The following DARS1 variants were observed in gnomAD, a reference collection of about 807,000 sequenced individuals.
DARS1 encodes the protein aspartate--tRNA ligase, cytoplasmic.
DARS1 carries 51 observed loss-of-function variants against 68.8 expected under a neutral mutation model. The observed-to-expected ratio is 0.74, with a 90% CI of 0.59 to 0.94. The LOEUF is 0.94. DARS1 is among the 40% of genes least tolerant of loss of function. DARS1 has a pLI of 0.00. For missense variants in DARS1, 607 were observed against 597.3 expected, an observed-to-expected ratio of 1.02 and a Z score of -0.17; for synonymous variants, 203 against 190.4, an observed-to-expected ratio of 1.07 and a Z score of -0.55.
intron 3 of DARS1, chr2:135,979,027 C>T (rs899990191): frequency 1.2e-5 from 4 of 327,980 alleles, no homozygotes; most frequent in Non-Finnish European, 1.6e-5. Context: ...AACTTTAGAG[C>T]GATGCTAGAA....
intron 4 of DARS1, among the ~76,000 whole-genome samples, chr2:135,946,469 T>C (rs1681723251): frequency 6.6e-6 from 1 of 152,172 alleles, no homozygotes; most frequent in African/African-American, 2.4e-5. Flanking sequence ...AAATTCATTC[T>C]CATCCTTTTA....
intron 5 of DARS1, among the ~76,000 whole-genome samples, chr2:135,938,948 CAAG>C (rs1558786448): frequency 6.6e-6 from 1 of 152,200 alleles, no homozygotes; most frequent in Non-Finnish European, 1.5e-5. Context: ...ATCAATTCAA[CAAG>C]AAGAGCTAAC....
intron 15 of DARS1, among the ~76,000 whole-genome samples, chr2:135,908,738 T>C (rs958681326): frequency 2.0e-5 from 3 of 152,238 alleles, no homozygotes; most frequent in African/African-American, 7.2e-5. Flanking sequence ...GTTCATGTCC[T>C]TTGCCCACTT....
chr2:135,907,486 A>AAG, intron 15 of DARS1, 79 bp from the exon 16 acceptor site: 1 of 923,402 alleles, frequency 1.1e-6, no homozygotes, highest in South Asian at 1.5e-5. Context: ...ACATAAATGT[A>AAG]ATCGTTAAAC....
intron 4 of DARS1, among the ~76,000 whole-genome samples, chr2:135,959,081 T>G (rs921625539): frequency 5.3e-5 from 8 of 152,008 alleles, no homozygotes; most frequent in Admixed American, 3.3e-4. Context: ...ACCTATATTC[T>G]TCCCTTGTCT....
intron 4 of DARS1, among the ~76,000 whole-genome samples, chr2:135,947,883 T>C (rs1004488955): frequency 1.3e-5 from 2 of 152,074 alleles, no homozygotes; most frequent in South Asian, 4.1e-4. Context: ...TAGTAATAGT[T>C]TCCCAAATGT....
At chr2:135,931,216 T>A (rs1681336248) in intron 7 of DARS1, among the ~76,000 whole-genome samples, 1 of 152,110 alleles carries the variant, frequency 6.6e-6, no homozygotes, top group Non-Finnish European at 1.5e-5. Context: ...AAGAGCTAGT[T>A]GGGGACTAAA....
At chr2:135,936,984 T>C (rs1681485327) in intron 5 of DARS1, among the ~76,000 whole-genome samples, 1 of 152,212 alleles carries the variant, frequency 6.6e-6, no homozygotes, top group Non-Finnish European at 1.5e-5. Flanking sequence ...TTAAGAGAAA[T>C]TTAGTGATGT....
In DARS1 at chr2:135,943,392, A is replaced by T; in HGVS notation, c.409T>A (p.Leu137Ile). Residue 137 changes from leucine to isoleucine, a missense_variant, in exon 5 of 16, where the codon TTA becomes ATA. By Grantham distance (5) the Leu-to-Ile change is conservative (BLOSUM62 2). Coordinates refer to ENST00000264161, the MANE Select transcript of DARS1 (RefSeq NM_001349.4). Reference sequence around the variant, plus strand: ...AAAAAACTTACCTTCTGAACATGTAACTCAACGTCTTGCTGTGTACAGCTT... The same window carrying T: ...AAAAAACTTACCTTCTGAACATGTATCTCAACGTCTTGCTGTGTACAGCTT... ...IGSCTQQDVE[L>I]HVQKIYVISL... The T allele has an allele frequency of 6.2e-7, 1 of 1,612,184 alleles. No individual in the cohort carries two copies.
intron 4 of DARS1, among the ~76,000 whole-genome samples, chr2:135,944,485 G>A (rs1209459759): frequency 1.3e-5 from 2 of 151,942 alleles, no homozygotes; most frequent in Non-Finnish European, 1.5e-5. Flanking sequence ...TCAAAATGAG[G>A]ATAATAGGTG....
intron 10 of DARS1, 56 bp downstream of exon 10, chr2:135,920,397 T>A (rs12471430): frequency 1.3e-6 from 2 of 1,498,116 alleles, no homozygotes; most frequent in Non-Finnish European, 8.9e-7. Context: ...ATTTTTTTTT[T>A]AAAGGGCCCA....
intron 9 of DARS1, among the ~76,000 whole-genome samples, chr2:135,921,327 A>G (rs748923402): frequency 6.6e-6 from 1 of 151,870 alleles, no homozygotes; most frequent in Non-Finnish European, 1.5e-5. Context: ...ATCCTAACCT[A>G]TATTTCTCAC....
intron 12 of DARS1, among the ~76,000 whole-genome samples, chr2:135,914,238 T>G (rs1304564934): frequency 6.6e-6 from 1 of 152,154 alleles, no homozygotes; most frequent in Non-Finnish European, 1.5e-5. Flanking sequence ...TCAGAACAAC[T>G]TCGTAAAAAT....
rs758921456 is a variant in DARS1 at position 135,985,600 on chromosome 2, C to A, written c.-132G>T. The A allele has an allele frequency of 4.6e-6, 7 of 1,531,594 alleles. No individual in the cohort carries two copies. Among genetic ancestry groups the A allele is most frequent in the Admixed American group, 4.2e-5 (2 of 47,352 alleles). The allele number at this position is 1,531,594 out of a possible 1,614,324, so 94.9% of individuals were successfully genotyped here. A position where few individuals can be genotyped will look rare whatever the true frequency, so the allele number is the denominator to read the frequency against. ...GGTCTCAGCACACGCGCTCGGACTC[C>A]GCGTGGAGGTGCGGCTCCAGAAAGA... On this transcript the variant is annotated 5_prime_UTR_variant, in exon 1 of 16. Transcript: ENST00000264161.
chr2:135,982,430 T>C (rs114412783), intron 2 of DARS1, among the ~76,000 whole-genome samples: 13 of 151,756 alleles, frequency 8.6e-5, no homozygotes, highest in African/African-American at 3.1e-4. Context: ...ACCCCATCTC[T>C]ACTAAAATAC....
intron 4 of DARS1, among the ~76,000 whole-genome samples, chr2:135,954,576 G>C (rs1681922383): frequency 6.6e-6 from 1 of 152,134 alleles, no homozygotes; most frequent in Admixed American, 6.5e-5. Context: ...TTTTGGGTCT[G>C]GTACAGGGAC....
At chr2:135,925,739 T>A (rs920356244) in intron 7 of DARS1, among the ~76,000 whole-genome samples, 9 of 152,186 alleles carry the variant, frequency 5.9e-5, no homozygotes, top group African/African-American at 2.2e-4. Context: ...AAGACTTGCA[T>A]TTTTTTCACA....
At chr2:135,977,400 A>G (rs1452460693) in intron 3 of DARS1, among the ~76,000 whole-genome samples, 1 of 152,210 alleles carries the variant, frequency 6.6e-6, no homozygotes, top group Admixed American at 6.5e-5. Context: ...AACTGTTAAG[A>G]AGAAACAGAC....
intron 1 of DARS1, 28 bp from the exon 2 acceptor site, chr2:135,983,482 CTTT>C (rs1330388999): frequency 2.4e-6 from 2 of 840,090 alleles, no homozygotes; most frequent in Non-Finnish European, 4.0e-6. Flanking sequence ...TGCATCGTGA[CTTT>C]TTATGTAAAC....
Sources: gnomAD v4.1 joint callset for allele counts (sites outside exome capture counted in the v4.1 genomes callset) on GRCh38, gnomAD v4.1.1 for gene constraint, MANE v1.5 for transcripts, NCBI Gene and HGNC (gene_info 2026-07-23, HGNC 2026-07-21) for gene names.